ZFC3H1: variants seen among roughly 807,000 people sequenced by gnomAD.
The protein encoded by ZFC3H1 is zinc finger C3H1-type containing, also known as zinc finger C3H1 domain-containing protein.
In ZFC3H1, 71 loss-of-function variants were observed where a neutral mutation model predicts 243.7. That is an observed-to-expected ratio of 0.29 (90% CI 0.24 to 0.36). ZFC3H1 has a LOEUF of 0.36. ZFC3H1 is among the 10% of genes least tolerant of loss of function. ZFC3H1 has a pLI of 1.00. For synonymous variants in ZFC3H1, 838 were observed against 813.0 expected (o/e 1.03, Z -0.52); for missense variants, 1,966 against 2,317.1 (o/e 0.85, Z 3.11).
chr12:71,656,999 A>C lies in ZFC3H1; in HGVS notation c.901T>G (p.Leu301Val). 1.2e-6 allele frequency: 2 copies of C among 1,613,858 alleles called. No homozygotes were observed. Among genetic ancestry groups the C allele is most frequent in the Non-Finnish European group, 1.7e-6 (2 of 1,179,924 alleles). ...GTCAATTTTTGCCTGAGTGGTTTTAATTCAAATGCCTGAAAAGTTTTGACT... is the reference window on the plus strand; with the variant it reads ...GTCAATTTTTGCCTGAGTGGTTTTACTTCAAATGCCTGAAAAGTTTTGACT... The part of the protein sequence containing the change: ...TQVKTFQAFE[L>V]KPLRQKLTLP... The change falls in exon 2 of 35, where the codon TTA (leucine) becomes GTA (valine). Residue 301 changes from leucine to valine, a missense_variant. By Grantham distance (32) the Leu-to-Val change is conservative. Transcript: ENST00000378743.
In ZFC3H1 at chr12:71,632,491, G is replaced by C. The variant is rs759441056; in HGVS notation, c.2841C>G (p.Asp947Glu). 6 of 1,568,284 alleles carry C rather than the reference G, an allele frequency of 3.8e-6. No individual in the cohort carries two copies. In the Admixed American group the frequency reaches 1.2e-4, roughly 31 times the overall value. ...RFGPNKMMRL[D>E]SSPVSSPRKH... is the part of the protein sequence containing the mutation. ...TTCTTGGACTTGATACTGGAGAACT[G>C]TCCAGTCTCATCATTTTGTTTGGCT... Residue 947 changes from aspartate (D) to glutamate (E), a missense_variant, in exon 15 of 35, where the codon GAC becomes GAG. By Grantham distance (45) the Asp-to-Glu change is conservative. Transcript: ENST00000378743.
chr12:71,660,932 G>A (rs1039790630), intron 1 of ZFC3H1, among the ~76,000 whole-genome samples: 2 of 151,514 alleles, frequency 1.3e-5, no homozygotes, highest in African/African-American at 4.8e-5. Flanking sequence ...GGGCAACATA[G>A]CAAGACTTCG....
chr12:71,661,857 G>C (rs934035005), intron 1 of ZFC3H1, among the ~76,000 whole-genome samples: 1 of 152,142 alleles, frequency 6.6e-6, no homozygotes, highest in Non-Finnish European at 1.5e-5. Context: ...GTTTTTCAGG[G>C]AACTAGCATC....
rs1192649750 is a variant in ZFC3H1, at chr12:71,636,999, G to T, written c.1786C>A (p.Pro596Thr). The T allele has an allele frequency of 2.5e-6, 4 of 1,614,026 alleles. No homozygotes were observed. Among genetic ancestry groups the T allele is most frequent in the Non-Finnish European group, 3.4e-6 (4 of 1,179,960 alleles). ...EGLCVSLEPL[P>T]PLPPLPPLPP... ...AGAGGTGGTAATGGTGGTAGAGGAG[G>T]TAGAGGTTCAAGAGAAACACACAAG... The change falls in exon 8 of 35, where the codon CCT (proline) becomes ACT (threonine). Residue 596 changes from proline to threonine, a missense_variant. Coordinates refer to ENST00000378743, the MANE Select transcript of ZFC3H1 (RefSeq NM_144982.5).
Position 71,657,308 on chromosome 12 carries a change from A to G in ZFC3H1, c.599-7T>C, listed in dbSNP as rs760243921. 2.0e-6 allele frequency: 3 copies of G among 1,500,660 alleles called. No individual in the cohort carries two copies. The highest frequency in any genetic ancestry group is 2.7e-6 in the Non-Finnish European group (3 of 1,130,440). The allele number at this position is 1,500,660 out of a possible 1,614,324, so 93.0% of individuals were successfully genotyped here. On this transcript the variant is annotated splice_region_variant and splice_polypyrimidine_tract_variant and intron_variant, in intron 1 of 34. Coordinates refer to ENST00000378743, the MANE Select transcript of ZFC3H1 (RefSeq NM_144982.5). Reference sequence around the variant, plus strand: ...GACCTTCCAAAACTTTTGGCTGAACAGCATATTAAGGAAACCAGTTTCCAA... The same window carrying G: ...GACCTTCCAAAACTTTTGGCTGAACGGCATATTAAGGAAACCAGTTTCCAA...
chr12:71,645,202 TAA>T, intron 3 of ZFC3H1, 127 bp from the exon 4 acceptor site: 1 of 802,684 alleles, frequency 1.2e-6, no homozygotes, highest in South Asian at 1.9e-5. Flanking sequence ...CAAATACAGA[TAA>T]AATAAGTAAA....
intron 22 of ZFC3H1, among the ~76,000 whole-genome samples, chr12:71,624,714 C>T (rs1278183529): frequency 1.3e-5 from 2 of 152,200 alleles, no homozygotes; most frequent in African/African-American, 2.4e-5. Context: ...ATGGCTCATG[C>T]CTGTAATCCC....
At chr12:71,637,587 C>T (rs1374105473) in intron 7 of ZFC3H1, among the ~76,000 whole-genome samples, 1 of 152,168 alleles carries the variant, frequency 6.6e-6, no homozygotes, top group African/African-American at 2.4e-5. Context: ...ACTAATTTTA[C>T]ACAAATCCCT....
intron 2 of ZFC3H1, among the ~76,000 whole-genome samples, chr12:71,648,246 C>T (rs928086493): frequency 1.3e-5 from 2 of 152,094 alleles, no homozygotes; most frequent in East Asian, 3.9e-4. Context: ...TGGATTTGTG[C>T]ATTAGAGAAT....
chr12:71,616,226 G>A (rs575721847), intron 27 of ZFC3H1, among the ~76,000 whole-genome samples: 1 of 152,230 alleles, frequency 6.6e-6, no homozygotes, highest in African/African-American at 2.4e-5. Context: ...GAACTCAGGA[G>A]GCAGAGGTTA....
Position 71,615,270 on chromosome 12 carries a change from A to G in ZFC3H1, c.5191T>C (p.Cys1731Arg), listed in dbSNP as rs1257663437. The G allele has an allele frequency of 1.2e-6, 2 of 1,613,510 alleles. No homozygotes were observed. Among genetic ancestry groups the G allele is most frequent in the African/African-American group, 1.3e-5 (1 of 75,004 alleles). Residue 1731 changes from cysteine to arginine, a missense_variant, in exon 28 of 35, where the codon TGT becomes CGT. Transcript: ENST00000378743. ...ATATCATCATCAAAATTCCCTTTAC[A>G]TAAACGAGATGGAATGTCAATTGGT... Reference protein sequence around the residue: ...PGPIDIPSRLCKGNFDDDMFN... With the variant: ...PGPIDIPSRLRKGNFDDDMFN...
intron 2 of ZFC3H1, among the ~76,000 whole-genome samples, chr12:71,650,583 T>C (rs1169553575): frequency 6.6e-6 from 1 of 152,174 alleles, no homozygotes; most frequent in East Asian, 1.9e-4. Context: ...AATGGGACAC[T>C]GAGGACATGA....
intron 2 of ZFC3H1, among the ~76,000 whole-genome samples, chr12:71,655,826 G>C (rs992201328): frequency 2.0e-5 from 3 of 152,042 alleles, no homozygotes; most frequent in East Asian, 1.9e-4. Flanking sequence ...AAAGAGGGGG[G>C]GGAAATTACA....
intron 27 of ZFC3H1, among the ~76,000 whole-genome samples, chr12:71,617,127 A>C (rs1385277780): frequency 6.6e-6 from 1 of 152,224 alleles, no homozygotes; most frequent in East Asian, 1.9e-4. Context: ...TTGCTTAACA[A>C]TTTCTACTCA....
Position 71,663,799 on chromosome 12 carries a change from A to G in ZFC3H1, c.-189T>C. ...AGCTCTCTCTCGCCGGACCGTCGCA[A>G]CCCAGTTCCCTTTCCTAGCGCCCCC... is the stretch of plus-strand genomic sequence containing the variant. On this transcript the variant is annotated 5_prime_UTR_variant, in exon 1 of 35. Coordinates refer to ENST00000378743, the MANE Select transcript of ZFC3H1 (RefSeq NM_144982.5). 1.5e-6 allele frequency: 1 copy of G among 649,090 alleles called. No individual in the cohort carries two copies. The highest frequency in any genetic ancestry group is 2.6e-6 in the Non-Finnish European group (1 of 384,698). 40.2% of individuals were successfully genotyped at this position (649,090 alleles called of 1,614,324 possible). A position where few individuals can be genotyped will look rare whatever the true frequency, so the allele number is the denominator to read the frequency against.
intron 8 of ZFC3H1, 83 bp downstream of exon 8, chr12:71,636,767 A>C: frequency 3.2e-6 from 5 of 1,564,084 alleles, no homozygotes; most frequent in Non-Finnish European, 4.3e-6. Context: ...AAGCCCAATG[A>C]TGCCCAAGTA....
intron 10 of ZFC3H1, 136 bp downstream of exon 10, chr12:71,635,307 C>T: frequency 8.6e-7 from 1 of 1,157,040 alleles, no homozygotes; most frequent in Non-Finnish European, 1.2e-6. Context: ...GTCCTAATAG[C>T]ACAAATACTT....
rs1161851790 is a variant in ZFC3H1, at chr12:71,642,530, T to C, written c.1533A>G (p.Leu511=). The C allele has an allele frequency of 1.9e-6, 3 of 1,613,310 alleles. No individual in the cohort carries two copies. Among genetic ancestry groups the C allele is most frequent in the Non-Finnish European group, 2.5e-6 (3 of 1,179,654 alleles). ...CTCCACTATCAGTAGGTTGCTTATC[T>C]AAGGATCGCCTCAGGTCAGGATCTG... The part of the protein sequence containing the change: ...KSSDPDLRRS[L]DKQPTDSGGG... Residue 511 remains leucine, a synonymous_variant, in exon 6 of 35, where the codon TTA becomes TTG. Transcript: ENST00000378743.
At chr12:71,642,823 T>C (rs902659430) in intron 5 of ZFC3H1, among the ~76,000 whole-genome samples, 1 of 152,180 alleles carries the variant, frequency 6.6e-6, no homozygotes, top group African/African-American at 2.4e-5. Flanking sequence ...AGCCACTAAA[T>C]AATTAGCTCT....
Sources: allele counts gnomAD v4.1 joint callset (sites outside exome capture counted in the v4.1 genomes callset), GRCh38; gene constraint gnomAD v4.1.1; transcripts MANE v1.5; gene names NCBI Gene and HGNC (gene_info 2026-07-23, HGNC 2026-07-21).